PLSCR4: variants seen among roughly 807,000 people sequenced by gnomAD.
PLSCR4 encodes Ca(2+)-dependent phospholipid scramblase 4.
Under a neutral mutation model 36.3 loss-of-function variants are expected in PLSCR4, and 25 were observed. The observed-to-expected ratio is 0.69, with a 90% CI of 0.50 to 0.96. The LOEUF (loss-of-function observed/expected upper bound fraction) is 0.96. Ranked by LOEUF, PLSCR4 falls within the 40% of genes least tolerant of loss-of-function variation. PLSCR4 has a pLI of 0.00. For missense variants in PLSCR4, 408 were observed against 414.7 expected (o/e 0.98, Z 0.14); for synonymous variants, 122 against 132.9 (o/e 0.92, Z 0.56).
intron 3 of PLSCR4, among the ~76,000 whole-genome samples, chr3:146,212,357 G>A (rs1376835107): frequency 1.3e-5 from 2 of 149,876 alleles, no homozygotes; most frequent in African/African-American, 2.4e-5. Context: ...TTGGATTTCT[G>A]TATTATGATC....
chr3:146,247,656 T>G (rs116396125), intron 1 of PLSCR4, among the ~76,000 whole-genome samples: 1,588 of 152,254 alleles, frequency 0.01, 30 homozygotes, highest in African/African-American at 0.037. Flanking sequence ...AGGGTCTCTT[T>G]CTGTTGCCCA....
intron 1 of PLSCR4, among the ~76,000 whole-genome samples, chr3:146,239,116 C>G (rs2036037988): frequency 6.6e-6 from 1 of 151,974 alleles, no homozygotes; most frequent in Non-Finnish European, 1.5e-5. Flanking sequence ...AAAAGATATC[C>G]CAAGTTCATC....
At chr3:146,223,120 A>G (rs751626583) in intron 1 of PLSCR4, among the ~76,000 whole-genome samples, 3 of 152,094 alleles carry the variant, frequency 2.0e-5, no homozygotes, top group Non-Finnish European at 4.4e-5. Context: ...AGAGACTAAA[A>G]GAAGTTAAAC....
At chr3:146,217,182 G>A (rs2034936465) in intron 3 of PLSCR4, among the ~76,000 whole-genome samples, 1 of 152,208 alleles carries the variant, frequency 6.6e-6, no homozygotes. Context: ...GTGAATGGTT[G>A]TCACGAAGCA....
At chr3:146,210,572 C>T (rs911164495) in intron 3 of PLSCR4, among the ~76,000 whole-genome samples, 2 of 151,996 alleles carry the variant, frequency 1.3e-5, no homozygotes, top group Non-Finnish European at 2.9e-5. Flanking sequence ...GCAACAGGAT[C>T]TCTATGGCAA....
At chr3:146,224,671 G>A (rs952738355) in intron 1 of PLSCR4, among the ~76,000 whole-genome samples, 4 of 152,006 alleles carry the variant, frequency 2.6e-5, no homozygotes, top group African/African-American at 7.2e-5. Flanking sequence ...TCCACAGTGT[G>A]GAAGGGGACC....
chr3:146,230,395 G>T (rs1256920156), intron 1 of PLSCR4, among the ~76,000 whole-genome samples: 2 of 152,114 alleles, frequency 1.3e-5, no homozygotes, highest in East Asian at 1.9e-4. Flanking sequence ...GTCTGTGCAG[G>T]TTTGTGTTTC....
At chr3:146,207,914 G>T (rs2034420514) in intron 3 of PLSCR4, among the ~76,000 whole-genome samples, 1 of 152,006 alleles carries the variant, frequency 6.6e-6, no homozygotes. Flanking sequence ...GTTCTTCACA[G>T]AACTAGAAAA....
intron 3 of PLSCR4, among the ~76,000 whole-genome samples, chr3:146,219,848 G>A (rs930321344): frequency 1.3e-5 from 2 of 152,112 alleles, no homozygotes; most frequent in African/African-American, 2.4e-5. Flanking sequence ...GCTGATGCAG[G>A]AGAATCACTT....
chr3:146,199,577 C>T (rs1025117279), intron 6 of PLSCR4, among the ~76,000 whole-genome samples: 1 of 152,066 alleles, frequency 6.6e-6, no homozygotes, highest in Admixed American at 6.6e-5. Context: ...ATTGACTACA[C>T]ATATGTCAAT....
chr3:146,205,922 CCA>C (rs1161855590), intron 4 of PLSCR4, among the ~76,000 whole-genome samples: 7 of 151,976 alleles, frequency 4.6e-5, no homozygotes, highest in South Asian at 4.1e-4. Flanking sequence ...CCATATTACC[CCA>C]GTTTTTGATC....
intron 1 of PLSCR4, among the ~76,000 whole-genome samples, chr3:146,238,344 C>T (rs943152971): frequency 4.6e-5 from 7 of 151,864 alleles, no homozygotes; most frequent in South Asian, 4.1e-4. Context: ...TAGGTAAAGA[C>T]AACACAACAA....
At chr3:146,231,076 G>A (rs10935613) in intron 1 of PLSCR4, among the ~76,000 whole-genome samples, 117,579 of 151,782 alleles carry the variant, frequency 0.77, 46,703 homozygotes, top group Non-Finnish European at 0.86. Flanking sequence ...GTTTCCATGT[G>A]TACTCAATGT....
chr3:146,244,324 T>TA (rs1459893624), intron 1 of PLSCR4, among the ~76,000 whole-genome samples: 4 of 152,280 alleles, frequency 2.6e-5, no homozygotes, highest in East Asian at 1.9e-4. Flanking sequence ...ATTCTCAAGA[T>TA]ACCTCATTAT....
At chr3:146,226,441 A>G (rs1398528) in intron 1 of PLSCR4, among the ~76,000 whole-genome samples, 55,622 of 152,088 alleles carry the variant, frequency 0.37, 10,296 homozygotes, top group African/African-American at 0.42. Context: ...TTAATGTCTT[A>G]GTGAAAAGAG....
At chr3:146,225,268 T>G (rs1448902038) in intron 1 of PLSCR4, among the ~76,000 whole-genome samples, 1 of 152,118 alleles carries the variant, frequency 6.6e-6, no homozygotes, top group Non-Finnish European at 1.5e-5. Context: ...CTCACAAACC[T>G]TCAGCTAAAC....
rs1416746698 is a variant in PLSCR4 at position 146,199,805 on chromosome 3, TC to T, written c.624+7del. On this transcript the variant is annotated splice_region_variant and intron_variant, in intron 6 of 8. Transcript: ENST00000354952. ...AGCAAGCTGTGGATCAGACTTCCAT[TC>T]TCTGACCTCTTGTCTGGCAGAGGGG... 6.2e-7 allele frequency: 1 copy of T among 1,605,538 alleles called. No homozygotes were observed. The highest frequency in any genetic ancestry group is 2.2e-5 in the East Asian group (1 of 44,806).
chr3:146,241,540 A>G (rs2036149921), intron 1 of PLSCR4, among the ~76,000 whole-genome samples: 1 of 152,146 alleles, frequency 6.6e-6, no homozygotes, highest in African/African-American at 2.4e-5. Context: ...AACTGGCAAA[A>G]TTGAAAAAAA....
intron 1 of PLSCR4, among the ~76,000 whole-genome samples, chr3:146,246,382 G>A (rs1424462547): frequency 6.6e-6 from 1 of 151,744 alleles, no homozygotes; most frequent in Non-Finnish European, 1.5e-5. Flanking sequence ...AAAAGTGTAT[G>A]GTAGAATATT....
Sources: gnomAD v4.1 joint callset for allele counts (sites outside exome capture counted in the v4.1 genomes callset) on GRCh38, gnomAD v4.1.1 for gene constraint, MANE v1.5 for transcripts, NCBI Gene and HGNC (gene_info 2026-07-23, HGNC 2026-07-21) for gene names.